Variants in CLNK observed in about 807,000 individuals in gnomAD.
CLNK encodes cytokine dependent hematopoietic cell linker.
CLNK carries 74 observed loss-of-function variants against 68.6 expected under a neutral mutation model. The observed-to-expected ratio is 1.08, with a 90% CI of 0.89 to 1.31. The LOEUF is 1.31. Among genes scored for constraint, CLNK ranks in the 50% most tolerant of loss-of-function variants. CLNK has a pLI of 0.00. For missense variants in CLNK, 553 were observed against 515.3 expected (o/e 1.07, Z -0.71); for synonymous variants, 198 against 172.2 (o/e 1.15, Z -1.17).
chr4:10,623,347 G>A (rs1722536666), intron 2 of CLNK, among the ~76,000 whole-genome samples: 1 of 152,176 alleles, frequency 6.6e-6, no homozygotes, highest in Non-Finnish European at 1.5e-5. Context: ...TTTTAATAAA[G>A]CCTCATACAT....
chr4:10,576,259 G>C (rs966704779), intron 4 of CLNK, among the ~76,000 whole-genome samples: 1 of 152,092 alleles, frequency 6.6e-6, no homozygotes, highest in Non-Finnish European at 1.5e-5. Flanking sequence ...CGTCTTCCTG[G>C]ACCTGAAAGA....
intron 2 of CLNK, among the ~76,000 whole-genome samples, chr4:10,612,485 A>G (rs1722069148): frequency 6.6e-6 from 1 of 152,258 alleles, no homozygotes; most frequent in Non-Finnish European, 1.5e-5. Context: ...ATTGGGAGGA[A>G]AAGCCCAGGG....
intron 2 of CLNK, among the ~76,000 whole-genome samples, chr4:10,644,628 A>G (rs1392052305): frequency 2.0e-5 from 3 of 152,220 alleles, no homozygotes; most frequent in Non-Finnish European, 4.4e-5. Context: ...AGCAAAATTT[A>G]AGAGGGCACC....
rs1302590914 is a variant in CLNK at position 10,621,271 on chromosome 4, G to A, written c.12-23222C>T. Among the ~76,000 whole-genome samples, 7 of 152,260 alleles carry A rather than the reference G, an allele frequency of 4.6e-5. No individual in the cohort carries two copies. The East Asian group carries it at 1.2e-3, about 25-fold the overall frequency. On this transcript the variant is annotated intron_variant, in intron 2 of 18. Transcript: ENST00000226951. ...CCTGGAGAGGGCAGAATGGTAACAG[G>A]ACACCTCAGACAGGGGGATTCTTGA...
intron 18 of CLNK, among the ~76,000 whole-genome samples, chr4:10,494,748 C>G (rs190232045): frequency 4.6e-5 from 7 of 152,152 alleles, no homozygotes; most frequent in African/African-American, 7.2e-5. Flanking sequence ...CGTGAGCCCC[C>G]GCGCCCAGCC....
chr4:10,682,362 C>T (rs1479175855), intron 1 of CLNK, among the ~76,000 whole-genome samples: 1 of 152,132 alleles, frequency 6.6e-6, no homozygotes, highest in Admixed American at 6.6e-5. Flanking sequence ...CTGCAGAACT[C>T]AAGTCTTGGC....
intron 18 of CLNK, among the ~76,000 whole-genome samples, chr4:10,498,349 G>A (rs1005365508): frequency 1.7e-4 from 26 of 151,976 alleles, no homozygotes; most frequent in Non-Finnish European, 2.6e-4. Context: ...AAAATTAGCC[G>A]GGCGTGGTGG....
At chr4:10,495,766 G>C (rs536299236) in intron 18 of CLNK, among the ~76,000 whole-genome samples, 2 of 152,228 alleles carry the variant, frequency 1.3e-5, no homozygotes, top group East Asian at 3.9e-4. Flanking sequence ...TTTGATGAGA[G>C]AAGAGGAGAA....
intron 16 of CLNK, among the ~76,000 whole-genome samples, chr4:10,510,749 G>A (rs904169998): frequency 1.3e-5 from 2 of 152,188 alleles, no homozygotes; most frequent in African/African-American, 4.8e-5. Context: ...CCGATAATAA[G>A]CCCTCTATCT....
At chr4:10,668,902 T>C (rs565103219) in intron 1 of CLNK, among the ~76,000 whole-genome samples, 1 of 152,294 alleles carries the variant, frequency 6.6e-6, no homozygotes, top group East Asian at 1.9e-4. Flanking sequence ...GCTGTTAATA[T>C]GGTTTTATAT....
In CLNK at chr4:10,581,435, T is replaced by C. The variant is rs572499035; in HGVS notation, c.112+3492A>G. 1.1e-4 allele frequency among the ~76,000 whole-genome samples: 17 copies of C among 152,240 alleles called. No individual in the cohort carries two copies. In the South Asian group the frequency reaches 3.1e-3, roughly 28 times the overall value. On this transcript the variant is annotated intron_variant, in intron 4 of 18. Transcript: ENST00000226951. ...TTCAGTTTATTCACTGGACAACAGTTCTTTGATCTGAAGATTATGAGCTAA... is the reference window on the plus strand; with the variant it reads ...TTCAGTTTATTCACTGGACAACAGTCCTTTGATCTGAAGATTATGAGCTAA...
intron 4 of CLNK, among the ~76,000 whole-genome samples, chr4:10,584,660 A>G (rs1464509816): frequency 6.6e-6 from 1 of 152,192 alleles, no homozygotes; most frequent in African/African-American, 2.4e-5. Flanking sequence ...GAAGGAACTC[A>G]GGCTCAGAAA....
At chr4:10,567,364 C>T (rs1720163727) in intron 5 of CLNK, among the ~76,000 whole-genome samples, 1 of 152,108 alleles carries the variant, frequency 6.6e-6, no homozygotes, top group South Asian at 2.1e-4. Context: ...ACAGATAGTC[C>T]TAGGACAACT....
chr4:10,543,961 A>C (rs1248276264), intron 8 of CLNK, among the ~76,000 whole-genome samples: 2 of 152,198 alleles, frequency 1.3e-5, no homozygotes, highest in Non-Finnish European at 2.9e-5. Flanking sequence ...AATCACAAAA[A>C]AGCTTAGGCC....
intron 2 of CLNK, among the ~76,000 whole-genome samples, chr4:10,659,987 G>T (rs1724130901): frequency 6.6e-6 from 1 of 152,192 alleles, no homozygotes; most frequent in South Asian, 2.1e-4. Context: ...GCAAATTATA[G>T]ACATGCAAAT....
intron 14 of CLNK, among the ~76,000 whole-genome samples, chr4:10,523,767 G>A (rs1328829437): frequency 6.6e-6 from 1 of 152,086 alleles, no homozygotes; most frequent in Non-Finnish European, 1.5e-5. Flanking sequence ...GCTCATGCCT[G>A]TAATCCCAGC....
chr4:10,612,295 G>T (rs1269301138), intron 2 of CLNK, among the ~76,000 whole-genome samples: 1 of 152,364 alleles, frequency 6.6e-6, no homozygotes, highest in Non-Finnish European at 1.5e-5. Context: ...TACAAGGTCT[G>T]CCCAACATCA....
intron 4 of CLNK, among the ~76,000 whole-genome samples, chr4:10,583,851 C>T (rs1720876461): frequency 6.6e-6 from 1 of 152,160 alleles, no homozygotes; most frequent in South Asian, 2.1e-4. Context: ...TTGGAGCTGG[C>T]TGCTGTATTT....
In CLNK at chr4:10,667,994, T is replaced by C. The variant is rs1724475765; in HGVS notation, c.-42-83A>G. Reference sequence around the variant, plus strand: ...GGAACAAGCCACTGTTGCTGCTTGTTAAAATCGGATACAGGTGCTGGTTTA... The same window carrying C: ...GGAACAAGCCACTGTTGCTGCTTGTCAAAATCGGATACAGGTGCTGGTTTA... On this transcript the variant is annotated intron_variant, in intron 1 of 18. Transcript: ENST00000226951. The C allele has an allele frequency of 1.5e-5, 10 of 658,184 alleles. No homozygotes were observed. The Admixed American group carries it at 3.2e-4, about 21-fold the overall frequency. 40.8% of individuals were successfully genotyped at this position (658,184 alleles called of 1,614,324 possible). A position where few individuals can be genotyped will look rare whatever the true frequency, so the allele number is the denominator to read the frequency against.
Sources: allele counts gnomAD v4.1 joint callset (sites outside exome capture counted in the v4.1 genomes callset), GRCh38; gene constraint gnomAD v4.1.1; transcripts MANE v1.5; gene names NCBI Gene and HGNC (gene_info 2026-07-23, HGNC 2026-07-21).